SLFN12: variants seen among roughly 807,000 people sequenced by gnomAD.
SLFN12 encodes schlafen family member 12, also known as ribonuclease SLFN12.
SLFN12 carries 25 observed loss-of-function variants against 29.1 expected under a neutral mutation model. That is an observed-to-expected ratio of 0.86 (90% CI 0.63 to 1.20). SLFN12 has a LOEUF of 1.20. Among genes scored for constraint, SLFN12 ranks in the 50% most tolerant of loss-of-function variants. The pLI, the probability that SLFN12 is intolerant of heterozygous loss-of-function variation, is 0.00. For synonymous variants in SLFN12, 257 were observed against 238.7 expected (o/e 1.08, Z -0.71); for missense variants, 660 against 666.2 (o/e 0.99, Z 0.10).
chr17:35,426,140 G>GTTT (rs149680172), intron 1 of SLFN12, among the ~76,000 whole-genome samples: 4 of 148,636 alleles, frequency 2.7e-5, no homozygotes, highest in African/African-American at 9.8e-5. Flanking sequence ...TTTTTAATCT[G>GTTT]TTTTTTTTTC....
intron 1 of SLFN12, among the ~76,000 whole-genome samples, chr17:35,429,022 C>T (rs1912163363): frequency 6.6e-6 from 1 of 152,094 alleles, no homozygotes; most frequent in Non-Finnish European, 1.5e-5. Context: ...CTACAATTTT[C>T]TGGTAATGCC....
chr17:35,412,930 G>A (rs9889442), intron 3 of SLFN12, among the ~76,000 whole-genome samples: 34,578 of 151,828 alleles, frequency 0.23, 5,747 homozygotes, highest in African/African-American at 0.47. Context: ...AATTGTGTGG[G>A]CATTCCTTAA....
At chr17:35,423,688 A>G (rs999319563) in intron 1 of SLFN12, among the ~76,000 whole-genome samples, 2 of 152,174 alleles carry the variant, frequency 1.3e-5, no homozygotes, top group Non-Finnish European at 2.9e-5. Context: ...AAATTCTTAT[A>G]TACAAAACAC....
rs925204802 is a variant in SLFN12 at position 35,411,546 on chromosome 17, T to C, written c.1529A>G (p.Tyr510Cys). ...LSPEGMTSCQ[Y>C]DLRSQVIYPE... ...GTAAATTACTTGCGACCTTAAATCA[T>C]ACTGGCAGCTTGTCATGCCTTCAGG... The change falls in exon 4 of 4, where the codon TAT becomes TGT. Residue 510 changes from tyrosine (Y) to cysteine (C), a missense_variant. Transcript: ENST00000304905. 6.2e-7 allele frequency: 1 copy of C among 1,614,100 alleles called. No individual in the cohort carries two copies.
intron 3 of SLFN12, among the ~76,000 whole-genome samples, chr17:35,412,836 CA>C (rs1045762058): frequency 3.7e-4 from 56 of 151,642 alleles, no homozygotes; most frequent in African/African-American, 1.3e-3. Context: ...TATTTAAAAA[CA>C]AAAAATAATA....
chr17:35,411,658 T>A lies in SLFN12; in HGVS notation c.1417A>T (p.Thr473Ser). 1.9e-6 allele frequency: 3 copies of A among 1,614,054 alleles called. No homozygotes were observed. The highest frequency in any genetic ancestry group is 2.5e-6 in the Non-Finnish European group (3 of 1,179,998). ...AGCTTCTGCTTTAAGGTTAGGGCAG[T>A]TTGTGTAGAATAGCCTTTAAACTCC... ...DEEFKGYSTQ[T>S]ALTLKQKLAK... Residue 473 changes from threonine (T) to serine (S), a missense_variant, in exon 4 of 4, where the codon ACT (threonine) becomes TCT (serine). Coordinates refer to ENST00000304905, the MANE Select transcript of SLFN12 (RefSeq NM_018042.5).
In SLFN12 at chr17:35,411,228, C is replaced by G; in HGVS notation, c.*110G>C. On this transcript the variant is annotated 3_prime_UTR_variant, in exon 4 of 4. Transcript: ENST00000304905. ...TAGACAAAACCCAATTATCCAACAT[C>G]ACATTAAGTTGCTTAACTTGCAAAG... 1 of 752,404 alleles carries G rather than the reference C, an allele frequency of 1.3e-6. No homozygotes were observed. Among genetic ancestry groups the G allele is most frequent in the Non-Finnish European group, 2.1e-6 (1 of 478,986 alleles). The allele number at this position is 752,404 out of a possible 1,614,324, so 46.6% of individuals were successfully genotyped here.
At chr17:35,415,677 A>C (rs1323106703) in intron 3 of SLFN12, among the ~76,000 whole-genome samples, 1 of 152,110 alleles carries the variant, frequency 6.6e-6, no homozygotes, top group Non-Finnish European at 1.5e-5. Context: ...AAAAACAAAG[A>C]ATCCCATCAA....
Position 35,422,706 on chromosome 17 carries a change from T to C in SLFN12, c.323A>G (p.Lys108Arg). Residue 108 changes from lysine (K) to arginine (R), a missense_variant, in exon 2 of 4, where the codon AAG becomes AGG. Physicochemically the swap from Lys to Arg is conservative, Grantham distance 26. Coordinates refer to ENST00000304905, the MANE Select transcript of SLFN12 (RefSeq NM_018042.5). Reference sequence around the variant, plus strand: ...ACCAGAGGTGTTCAAGCTCCATGACTTCACAAAAATCAGAAAGTAGTTACC... The same window carrying C: ...ACCAGAGGTGTTCAAGCTCCATGACCTCACAAAAATCAGAAAGTAGTTACC... ...QNGNYFLIFV[K>R]SWSLNTSGLR... is the part of the protein sequence containing the mutation. 1 of 1,614,126 alleles carries C rather than the reference T, an allele frequency of 6.2e-7. No individual in the cohort carries two copies. The highest frequency in any genetic ancestry group is 8.5e-7 in the Non-Finnish European group (1 of 1,180,020).
chr17:35,429,501 T>C (rs1338966152), intron 1 of SLFN12, among the ~76,000 whole-genome samples: 1 of 152,164 alleles, frequency 6.6e-6, no homozygotes, highest in Non-Finnish European at 1.5e-5. Flanking sequence ...ACAGGTTAGA[T>C]GTTTCCACTG....
At chr17:35,414,850 C>A (rs1033995568) in intron 3 of SLFN12, among the ~76,000 whole-genome samples, 2 of 152,022 alleles carry the variant, frequency 1.3e-5, no homozygotes, top group Non-Finnish European at 2.9e-5. Flanking sequence ...CAAAACACTG[C>A]TGAAAGAAAT....
At chr17:35,432,974 C>T (rs1912405091), upstream of SLFN12, 1 of 152,296 alleles carries the variant, frequency 6.6e-6, no homozygotes, top group African/African-American at 2.4e-5. Flanking sequence ...CAGCGTGGAC[C>T]CTTGAGCAAC....
In SLFN12 at chr17:35,422,513, T is replaced by C. The variant is rs150649305; in HGVS notation, c.516A>G (p.Gln172=). The C allele has an allele frequency of 2.0e-4, 327 of 1,613,714 alleles. 1 individual carries two copies. The highest frequency in any genetic ancestry group is 2.6e-4 in the Non-Finnish European group (311 of 1,179,944). ...LLAKRPCVDI[Q]EENNMKALAG... Reference sequence around the variant, plus strand: ...CCAAGGCCTTCATGTTATTTTCTTCTTGTATATCAACACAGGGCCTCTTTG... The same window carrying C: ...CCAAGGCCTTCATGTTATTTTCTTCCTGTATATCAACACAGGGCCTCTTTG... Residue 172 remains glutamine, a synonymous_variant, in exon 2 of 4, where the codon CAA becomes CAG. Transcript: ENST00000304905.
chr17:35,422,530 G>T lies in SLFN12; in HGVS notation c.499C>A (p.Pro167Thr). 6.2e-7 allele frequency: 1 copy of T among 1,614,036 alleles called. No individual in the cohort carries two copies. Among genetic ancestry groups the T allele is most frequent in the Middle Eastern group, 1.6e-4 (1 of 6,062 alleles). The change falls in exon 2 of 4, where the codon CCC becomes ACC. Residue 167 changes from proline to threonine, a missense_variant. Transcript: ENST00000304905. Reference protein sequence around the residue: ...YLRPELLAKRPCVDIQEENNM... With the variant: ...YLRPELLAKRTCVDIQEENNM... ...TTTTCTTCTTGTATATCAACACAGGGCCTCTTTGCCAGCAATTCTGGTCTT... is the reference window on the plus strand; with the variant it reads ...TTTTCTTCTTGTATATCAACACAGGTCCTCTTTGCCAGCAATTCTGGTCTT...
chr17:35,418,900 C>T (rs998261674), intron 3 of SLFN12, among the ~76,000 whole-genome samples: 2 of 152,064 alleles, frequency 1.3e-5, no homozygotes, highest in African/African-American at 2.4e-5. Flanking sequence ...CAAGGTCTCA[C>T]GCTGTTGCCT....
chr17:35,425,247 T>C (rs868261924), intron 1 of SLFN12, among the ~76,000 whole-genome samples: 1 of 152,132 alleles, frequency 6.6e-6, no homozygotes, highest in African/African-American at 2.4e-5. Context: ...CAGTAAGCGA[T>C]GATCATGGCA....
chr17:35,417,953 G>A (rs971342089), intron 3 of SLFN12, among the ~76,000 whole-genome samples: 1 of 151,922 alleles, frequency 6.6e-6, no homozygotes, highest in African/African-American at 2.4e-5. Context: ...AAACTATAAA[G>A]GCATTAAAGA....
At chr17:35,420,479 T>G (rs981921811) in intron 2 of SLFN12, 98 bp from the exon 3 acceptor site, 17 of 715,666 alleles carry the variant, frequency 2.4e-5, no homozygotes, top group Non-Finnish European at 8.8e-6. Flanking sequence ...TGTAACTGAT[T>G]CTGTTTTCCA....
At position 35,426,956 on chromosome 17, in the gene SLFN12, CT is replaced by C. The variant is rs542323193; in HGVS notation, c.-40-3889del. Among the ~76,000 whole-genome samples the C allele has an allele frequency of 1.8e-4, 28 of 152,258 alleles. 1 individual carries two copies. In the South Asian group the frequency reaches 5.8e-3, roughly 32 times the overall value. ...TATGTCTCTAGCTATAATCTCTTGCCTAAGACATCTGGGGGTCTATAGTCTT... is the reference window on the plus strand; with the variant it reads ...TATGTCTCTAGCTATAATCTCTTGCCAAGACATCTGGGGGTCTATAGTCTT... On this transcript the variant is annotated intron_variant, in intron 1 of 3. Coordinates refer to ENST00000304905, the MANE Select transcript of SLFN12 (RefSeq NM_018042.5).
Sources: allele counts gnomAD v4.1 joint callset (sites outside exome capture counted in the v4.1 genomes callset), GRCh38; gene constraint gnomAD v4.1.1; transcripts MANE v1.5; gene names NCBI Gene and HGNC (gene_info 2026-07-23, HGNC 2026-07-21).